CDH2: variants seen among roughly 807,000 people sequenced by gnomAD.
CDH2 encodes the protein cadherin-2.
CDH2 carries 17 observed loss-of-function variants against 92.0 expected under a neutral mutation model. The ratio of observed to expected loss-of-function variants is 0.18; its 90% confidence interval spans 0.13 to 0.28. The LOEUF is 0.28. Among genes scored for constraint, CDH2 ranks in the 10% least tolerant of loss-of-function variants. CDH2 has a pLI of 1.00. For synonymous variants in CDH2, 419 were observed against 415.9 expected, an observed-to-expected ratio of 1.01 and a Z score of -0.09; for missense variants, 862 against 1,133.1, an observed-to-expected ratio of 0.76 and a Z score of 3.44.
chr18:28,061,760 G>A (rs2014406719), intron 2 of CDH2, among the ~76,000 whole-genome samples: 1 of 152,204 alleles, frequency 6.6e-6, no homozygotes, highest in Non-Finnish European at 1.5e-5. Flanking sequence ...TCACAATCAT[G>A]GCAGAAGGCG....
rs201263365 is a variant in CDH2, at chr18:28,039,208, C to CT, written c.173-25300dup. On this transcript the variant is annotated intron_variant, in intron 2 of 15. Coordinates refer to ENST00000269141, the MANE Select transcript of CDH2 (RefSeq NM_001792.5). ...AAGCTAGCAAGTCCATAACCTACTGCTTAGCTCCTTGCATGAATCCACATT... is the reference window on the plus strand; with the variant it reads ...AAGCTAGCAAGTCCATAACCTACTGCTTTAGCTCCTTGCATGAATCCACATT... 4.4e-3 allele frequency among the ~76,000 whole-genome samples: 675 copies of CT among 152,230 alleles called. 6 individuals carry two copies. Among genetic ancestry groups the CT allele is most frequent in the African/African-American group, 0.016 (647 of 41,560 alleles).
intron 2 of CDH2, among the ~76,000 whole-genome samples, chr18:28,123,239 A>G (rs979936160): frequency 2.0e-5 from 3 of 152,166 alleles, no homozygotes; most frequent in Non-Finnish European, 4.4e-5. Context: ...AATATATTCC[A>G]AAGTGTTTTA....
At chr18:28,167,480 T>C (rs1023403932) in intron 1 of CDH2, among the ~76,000 whole-genome samples, 6 of 152,078 alleles carry the variant, frequency 3.9e-5, no homozygotes, top group Admixed American at 3.9e-4. Flanking sequence ...CAAATACATA[T>C]GATATAAATA....
At chr18:27,967,866 T>G (rs17493199) in intron 14 of CDH2, among the ~76,000 whole-genome samples, 4,160 of 152,284 alleles carry the variant, frequency 0.027, 181 homozygotes, top group African/African-American at 0.094. Flanking sequence ...CGAGTTTAAC[T>G]CAGAGCATTT....
At chr18:28,160,208 C>A (rs867958361) in intron 1 of CDH2, among the ~76,000 whole-genome samples, 1 of 151,560 alleles carries the variant, frequency 6.6e-6, no homozygotes, top group Middle Eastern at 3.4e-3. Flanking sequence ...GGCCAAGGAT[C>A]CTAGAATAGA....
At chr18:28,164,799 T>C (rs2016355540) in intron 1 of CDH2, among the ~76,000 whole-genome samples, 1 of 152,202 alleles carries the variant, frequency 6.6e-6, no homozygotes, top group Non-Finnish European at 1.5e-5. Flanking sequence ...ATACCTGTTG[T>C]TTCCAAATCA....
chr18:28,031,791 T>C (rs746929141), intron 2 of CDH2, among the ~76,000 whole-genome samples: 16 of 152,166 alleles, frequency 1.1e-4, no homozygotes, highest in Non-Finnish European at 1.3e-4. Flanking sequence ...ATAGATTTCA[T>C]AGCTAAAGCT....
At chr18:28,095,183 A>G (rs537311750) in intron 2 of CDH2, among the ~76,000 whole-genome samples, 1 of 152,274 alleles carries the variant, frequency 6.6e-6, no homozygotes, top group South Asian at 2.1e-4. Context: ...CTCCATGTCC[A>G]ATAAAGCTTC....
rs1413369773 is a variant in CDH2, at chr18:28,009,718, T to C, written c.701A>G (p.His234Arg). ...ATTATCAGCTGGTTGGAATCTTACA[T>C]GAAACCGGGCTATCTGCTCGCGATC... is the stretch of plus-strand genomic sequence containing the variant. ...PLDREQIARFHLRAHAVDING... is the reference protein window; with the variant it reads ...PLDREQIARFRLRAHAVDING... Residue 234 changes from histidine (H) to arginine (R), a missense_variant and splice_region_variant, in exon 5 of 16, where the codon CAT becomes CGT. This residue lies in a region of CDH2 where 564 missense variants were observed against 722.2 expected (regional missense o/e 0.78). Coordinates refer to ENST00000269141, the MANE Select transcript of CDH2 (RefSeq NM_001792.5). 1.2e-6 allele frequency: 2 copies of C among 1,613,518 alleles called. No individual in the cohort carries two copies. The highest frequency in any genetic ancestry group is 1.7e-4 in the Middle Eastern group (1 of 5,974).
At chr18:28,050,303 G>A (rs1209840961) in intron 2 of CDH2, among the ~76,000 whole-genome samples, 1 of 152,136 alleles carries the variant, frequency 6.6e-6, no homozygotes, top group Non-Finnish European at 1.5e-5. Flanking sequence ...CAGTATTGCT[G>A]ATAGCATATA....
At chr18:28,135,023 C>T (rs936631110) in intron 2 of CDH2, among the ~76,000 whole-genome samples, 2 of 152,130 alleles carry the variant, frequency 1.3e-5, no homozygotes, top group African/African-American at 2.4e-5. Context: ...AGTGCGAACA[C>T]AATAATCCAG....
intron 2 of CDH2, among the ~76,000 whole-genome samples, chr18:28,119,305 C>T (rs769629675): frequency 2.1e-4 from 32 of 152,164 alleles, no homozygotes; most frequent in Non-Finnish European, 3.7e-4. Context: ...CCATGCACAG[C>T]CTGGCAAAGG....
intron 2 of CDH2, among the ~76,000 whole-genome samples, chr18:28,029,590 A>C (rs2013643113): frequency 6.6e-6 from 1 of 152,086 alleles, no homozygotes; most frequent in South Asian, 2.1e-4. Flanking sequence ...ATTCTCATTA[A>C]TGGGCTGACA....
At chr18:28,114,559 G>C (rs935515495) in intron 2 of CDH2, among the ~76,000 whole-genome samples, 14 of 152,232 alleles carry the variant, frequency 9.2e-5, no homozygotes, top group African/African-American at 3.1e-4. Flanking sequence ...CAATTGATGA[G>C]CAATAAAATG....
chr18:28,021,117 G>C (rs894050018), intron 2 of CDH2, among the ~76,000 whole-genome samples: 1 of 151,886 alleles, frequency 6.6e-6, no homozygotes, highest in African/African-American at 2.4e-5. Context: ...GCTGGTATTA[G>C]TCAGAGTTGG....
chr18:27,955,761 G>GTTTTTTTTTTTTTTTTTTTTTT (rs5823568), intron 15 of CDH2, among the ~76,000 whole-genome samples: 22 of 111,700 alleles, frequency 2.0e-4, no homozygotes, highest in African/African-American at 3.6e-4. Flanking sequence ...CTTTATTTCT[G>GTTTTTTTTTTTTTTTTTTTTTT]TTTTTTTTTT....
chr18:27,990,042 T>G, intron 10 of CDH2, 55 bp downstream of exon 10: 2 of 1,462,254 alleles, frequency 1.4e-6, no homozygotes, highest in Non-Finnish European at 1.9e-6. Context: ...ATAAATTTTA[T>G]GCACAGCATA....
intron 2 of CDH2, among the ~76,000 whole-genome samples, chr18:28,082,337 G>A (rs1442726565): frequency 2.0e-5 from 3 of 152,044 alleles, no homozygotes; most frequent in Non-Finnish European, 4.4e-5. Flanking sequence ...CTTGAGCCCC[G>A]GAGACTGAGG....
chr18:28,151,310 A>T (rs889411441), intron 1 of CDH2, among the ~76,000 whole-genome samples: 1 of 152,242 alleles, frequency 6.6e-6, no homozygotes, highest in Non-Finnish European at 1.5e-5. Flanking sequence ...AGCTGTCACA[A>T]CTGCGAGGGG....
Sources: gnomAD v4.1 joint callset for allele counts (sites outside exome capture counted in the v4.1 genomes callset) on GRCh38, gnomAD v4.1.1 for gene constraint, gnomAD v4.1.1 regional missense constraint, MANE v1.5 for transcripts, NCBI Gene and HGNC (gene_info 2026-07-23, HGNC 2026-07-21) for gene names.